Variants in TRPC4 observed in about 807,000 individuals in gnomAD.
The protein encoded by TRPC4 is short transient receptor potential channel 4.
TRPC4 carries 49 observed loss-of-function variants against 99.4 expected under a neutral mutation model. The observed-to-expected ratio is 0.49, with a 90% CI of 0.39 to 0.63. The LOEUF (loss-of-function observed/expected upper bound fraction) is 0.63, where lower values mean the gene tolerates loss of function less well. Ranked by LOEUF, TRPC4 falls within the 20% of genes least tolerant of loss-of-function variation. The pLI is 0.00. For synonymous variants in TRPC4, 454 were observed against 425.9 expected (o/e 1.07, Z -0.81); for missense variants, 898 against 1,152.9 (o/e 0.78, Z 3.20).
rs1566067477 is a variant in TRPC4 at position 37,649,763 on chromosome 13, ACAAC to A, written c.2079+1498_2079+1501del. Reference sequence around the variant, plus strand: ...AAAAAAAAAAAAAAAAAAAAAAACAACAACAAAGAACTAAGCTATTACATTTATT... The same window carrying A: ...AAAAAAAAAAAAAAAAAAAAAAACAAAAAGAACTAAGCTATTACATTTATT... On this transcript the variant is annotated intron_variant, in intron 8 of 10. Transcript: ENST00000379705. Among the ~76,000 whole-genome samples the A allele has an allele frequency of 8.1e-5, 8 of 99,116 alleles. 1 individual carries two copies. Among genetic ancestry groups the A allele is most frequent in the African/African-American group, 2.3e-4 (7 of 30,604 alleles). 65.0% of individuals were successfully genotyped at this position (99,116 alleles called of 152,430 possible). A position where few individuals can be genotyped will look rare whatever the true frequency, so the allele number is the denominator to read the frequency against.
intron 4 of TRPC4, among the ~76,000 whole-genome samples, chr13:37,691,169 T>G (rs911715818): frequency 2.6e-5 from 4 of 152,164 alleles, no homozygotes; most frequent in Non-Finnish European, 5.9e-5. Context: ...TGGCGTGATC[T>G]GGGATCACTG....
At chr13:37,652,356 G>T (rs556395904) in intron 7 of TRPC4, among the ~76,000 whole-genome samples, 1 of 152,272 alleles carries the variant, frequency 6.6e-6, no homozygotes, top group Admixed American at 6.5e-5. Context: ...CTTCAACTAG[G>T]CTTCATTTTG....
At chr13:37,650,059 T>A (rs1056678596) in intron 8 of TRPC4, among the ~76,000 whole-genome samples, 4 of 151,980 alleles carry the variant, frequency 2.6e-5, no homozygotes, top group African/African-American at 9.7e-5. Flanking sequence ...GGAATTAGAG[T>A]TGTTACTGAG....
chr13:37,664,443 G>A (rs539328431), intron 5 of TRPC4, among the ~76,000 whole-genome samples: 3 of 151,932 alleles, frequency 2.0e-5, no homozygotes, highest in South Asian at 2.1e-4. Flanking sequence ...GTGTGGTGGC[G>A]GGCACCTGTA....
chr13:37,718,431 A>G (rs1954752181), intron 3 of TRPC4, among the ~76,000 whole-genome samples: 1 of 151,944 alleles, frequency 6.6e-6, no homozygotes, highest in African/African-American at 2.4e-5. Flanking sequence ...TCAAGAGAAA[A>G]GACAATCAAT....
chr13:37,869,085 C>T (rs1959977108), intron 1 of TRPC4, among the ~76,000 whole-genome samples: 1 of 152,086 alleles, frequency 6.6e-6, no homozygotes, highest in South Asian at 2.1e-4. Flanking sequence ...AGAATGAAAA[C>T]GACGCAGAAT....
chr13:37,724,905 G>A (rs190049429), intron 3 of TRPC4, among the ~76,000 whole-genome samples: 118 of 152,194 alleles, frequency 7.8e-4, no homozygotes, highest in Non-Finnish European at 1.4e-3. Context: ...TGGAGAAAAC[G>A]TTAACTGTAA....
chr13:37,752,075 C>CTATATATATGTGTATATATATATA (rs1555266914), intron 2 of TRPC4, among the ~76,000 whole-genome samples: 1 of 73,952 alleles, frequency 1.4e-5, no homozygotes, highest in Non-Finnish European at 2.7e-5. Context: ...AAGCAGAAAA[C>CTATATATATGTGTATATATATATA]TATATATATA....
At chr13:37,685,119 T>C (rs975493245) in intron 4 of TRPC4, among the ~76,000 whole-genome samples, 1 of 152,168 alleles carries the variant, frequency 6.6e-6, no homozygotes, top group African/African-American at 2.4e-5. Context: ...TCATATCAAA[T>C]GTGCATCTTA....
intron 1 of TRPC4, among the ~76,000 whole-genome samples, chr13:37,830,285 A>G (rs1331246115): frequency 6.6e-6 from 1 of 152,172 alleles, no homozygotes; most frequent in East Asian, 1.9e-4. Context: ...TTTTTTACAC[A>G]GAAAAAGAAA....
intron 5 of TRPC4, among the ~76,000 whole-genome samples, chr13:37,664,769 GT>G (rs922624815): frequency 1.3e-5 from 2 of 152,044 alleles, no homozygotes; most frequent in Non-Finnish European, 2.9e-5. Flanking sequence ...CCCACATAAT[GT>G]TTTTTATTCT....
intron 5 of TRPC4, among the ~76,000 whole-genome samples, chr13:37,671,118 T>C (rs902833480): frequency 6.6e-6 from 1 of 152,200 alleles, no homozygotes; most frequent in Non-Finnish European, 1.5e-5. Flanking sequence ...AGCTGTTTCT[T>C]AGTGTGCTCC....
chr13:37,854,266 G>A (rs1426121933), intron 1 of TRPC4, among the ~76,000 whole-genome samples: 1 of 152,040 alleles, frequency 6.6e-6, no homozygotes, highest in Non-Finnish European at 1.5e-5. Flanking sequence ...TGAGAGAGTG[G>A]CATGACATAT....
Position 37,636,956 on chromosome 13 carries a change from G to A in TRPC4, c.2881C>T (p.Leu961=), listed in dbSNP as rs1294204833. 1 of 1,613,470 alleles carries A rather than the reference G, an allele frequency of 6.2e-7. No individual in the cohort carries two copies. The highest frequency in any genetic ancestry group is 8.5e-7 in the Non-Finnish European group (1 of 1,179,628). ...TGGGTGACTGTGTCTGGGAGGTTTA[G>A]ATCATAGTCTATACTAGAGTCCTCT... ...KEEDSSIDYD[L]NLPDTVTHED... is the part of the protein sequence containing the mutation. The change falls in exon 11 of 11, where the codon CTA becomes TTA. Residue 961 remains leucine, a synonymous_variant. Coordinates refer to ENST00000379705, the MANE Select transcript of TRPC4 (RefSeq NM_016179.4).
intron 3 of TRPC4, among the ~76,000 whole-genome samples, chr13:37,726,653 G>A (rs1396275278): frequency 2.0e-5 from 3 of 152,010 alleles, no homozygotes; most frequent in East Asian, 1.9e-4. Context: ...CCAACTCAAC[G>A]GACAGGAATT....
chr13:37,833,903 T>C (rs1958490764), intron 1 of TRPC4, among the ~76,000 whole-genome samples: 1 of 152,240 alleles, frequency 6.6e-6, no homozygotes, highest in Non-Finnish European at 1.5e-5. Flanking sequence ...AGAAGAGTAG[T>C]CTGACAGTAC....
At chr13:37,755,261 C>A (rs192662001) in intron 2 of TRPC4, among the ~76,000 whole-genome samples, 1 of 147,092 alleles carries the variant, frequency 6.8e-6, no homozygotes, top group Non-Finnish European at 1.5e-5. Flanking sequence ...CCTAACCTGG[C>A]TCTTTAAAAA....
intron 1 of TRPC4, among the ~76,000 whole-genome samples, chr13:37,806,492 C>T (rs151258248): frequency 3.9e-5 from 6 of 152,062 alleles, no homozygotes; most frequent in African/African-American, 1.4e-4. Flanking sequence ...TCCCAAGGAC[C>T]TTTTAGCATC....
chr13:37,672,039 G>C (rs1952865471), intron 5 of TRPC4, among the ~76,000 whole-genome samples: 1 of 152,146 alleles, frequency 6.6e-6, no homozygotes, highest in Non-Finnish European at 1.5e-5. Flanking sequence ...GGGTGAGTGA[G>C]TTTAATTCTA....
Sources: gnomAD v4.1 joint callset for allele counts (sites outside exome capture counted in the v4.1 genomes callset) on GRCh38, gnomAD v4.1.1 for gene constraint, MANE v1.5 for transcripts, NCBI Gene and HGNC (gene_info 2026-07-23, HGNC 2026-07-21) for gene names.